Variants in INVS observed in about 807,000 individuals in gnomAD.
INVS encodes inversion of embryo turning homolog.
INVS carries 86 observed loss-of-function variants against 108.8 expected under a neutral mutation model. That is an observed-to-expected ratio of 0.79 (90% CI 0.66 to 0.95). The LOEUF (loss-of-function observed/expected upper bound fraction) is 0.95. Ranked by LOEUF, INVS falls within the 40% of genes least tolerant of loss-of-function variation. The probability of loss-of-function intolerance (pLI) is 0.00; values close to 1 mark genes in which losing one functional copy is unlikely to be tolerated. For missense variants in INVS, 1,169 were observed against 1,297.4 expected (o/e 0.90, Z 1.52); for synonymous variants, 455 against 473.5 (o/e 0.96, Z 0.51).
intron 5 of INVS, among the ~76,000 whole-genome samples, chr9:100,237,863 T>A (rs1405442049): frequency 6.6e-6 from 1 of 151,492 alleles, no homozygotes; most frequent in Non-Finnish European, 1.5e-5. Flanking sequence ...GTCAACTCTC[T>A]CTGGTTTTTT....
intron 3 of INVS, among the ~76,000 whole-genome samples, chr9:100,206,751 C>T (rs1830687970): frequency 6.6e-6 from 1 of 151,814 alleles, no homozygotes; most frequent in African/African-American, 2.4e-5. Flanking sequence ...AAAAAAAAAT[C>T]CAGGATCAGG....
intron 5 of INVS, among the ~76,000 whole-genome samples, chr9:100,233,892 G>T (rs1026129836): frequency 1.8e-4 from 27 of 152,318 alleles, no homozygotes; most frequent in African/African-American, 5.5e-4. Flanking sequence ...CATAAAATGA[G>T]TTAGGGAGGA....
chr9:100,100,898 T>C (rs1461563690), intron 1 of INVS, among the ~76,000 whole-genome samples: 1 of 46,488 alleles, frequency 2.2e-5, no homozygotes, highest in Admixed American at 3.6e-4. Context: ...ATATATATTA[T>C]ATATGTATAT....
At chr9:100,161,264 T>C (rs1305883222) in intron 3 of INVS, among the ~76,000 whole-genome samples, 4 of 146,996 alleles carry the variant, frequency 2.7e-5, no homozygotes, top group Admixed American at 7.2e-5. Context: ...TAATCCCAGC[T>C]ATTCGGGAGA....
intron 3 of INVS, among the ~76,000 whole-genome samples, chr9:100,166,107 G>C (rs931560128): frequency 1.1e-4 from 16 of 152,144 alleles, no homozygotes; most frequent in South Asian, 4.1e-4. Context: ...AGTCAAGAAT[G>C]ATAGAATATC....
At chr9:100,202,092 G>GTTT (rs35296886) in intron 3 of INVS, among the ~76,000 whole-genome samples, 37 of 147,852 alleles carry the variant, frequency 2.5e-4, no homozygotes, top group African/African-American at 5.5e-4. Flanking sequence ...TATTACAATA[G>GTTT]TTTTTTTTTT....
intron 2 of INVS, chr9:100,121,036 CAAAT>C (rs1827712680): frequency 6.6e-6 from 1 of 152,170 alleles, no homozygotes; most frequent in South Asian, 2.1e-4. Flanking sequence ...TAAACTCCAA[CAAAT>C]AGTGATGAAC....
intron 3 of INVS, among the ~76,000 whole-genome samples, chr9:100,153,299 C>T (rs1011243876): frequency 6.7e-6 from 1 of 148,382 alleles, no homozygotes; most frequent in African/African-American, 2.5e-5. Context: ...ACAATATTTG[C>T]AAATTATATC....
At chr9:100,137,134 A>G (rs1017257611) in intron 3 of INVS, among the ~76,000 whole-genome samples, 2 of 152,238 alleles carry the variant, frequency 1.3e-5, no homozygotes, top group East Asian at 1.9e-4. Context: ...GTATCTGAAT[A>G]TTCTTGACAA....
chr9:100,198,482 G>T (rs1225511023), intron 3 of INVS, among the ~76,000 whole-genome samples: 2 of 150,712 alleles, frequency 1.3e-5, no homozygotes, highest in African/African-American at 2.4e-5. Flanking sequence ...ATAGAGACGG[G>T]GTTTCTCCAT....
chr9:100,227,422 C>T lies in INVS; in HGVS notation c.447+1187C>T, dbSNP rs541159370. Among the ~76,000 whole-genome samples the T allele has an allele frequency of 1.4e-4, 21 of 152,198 alleles. 1 individual carries two copies. Among genetic ancestry groups the T allele is most frequent in the South Asian group, 6.2e-4 (3 of 4,830 alleles). ...ATTGGATTGCTGACAATGCTACTCA[C>T]GAGGGCTAATATATATTTAAACAGT... On this transcript the variant is annotated intron_variant, in intron 4 of 16. Transcript: ENST00000262457.
At chr9:100,274,861 G>C (rs1002943017) in intron 12 of INVS, among the ~76,000 whole-genome samples, 10 of 152,240 alleles carry the variant, frequency 6.6e-5, no homozygotes, top group African/African-American at 2.2e-4. Context: ...TCTAAATCTT[G>C]AGTCCTTCTA....
chr9:100,144,167 T>C (rs11515540), intron 3 of INVS, among the ~76,000 whole-genome samples: 31,974 of 151,912 alleles, frequency 0.21, 5,734 homozygotes, highest in African/African-American at 0.49. Context: ...GCAAGCTTCT[T>C]GGGGAGGAGG....
intron 13 of INVS, among the ~76,000 whole-genome samples, chr9:100,289,109 T>C (rs1011763472): frequency 4.6e-5 from 7 of 152,254 alleles, no homozygotes; most frequent in Admixed American, 3.3e-4. Context: ...TACTTTGTCA[T>C]ATGTAGCTTA....
intron 16 of INVS, 103 bp downstream of exon 16, chr9:100,298,113 G>C (rs1833845196): frequency 1.9e-6 from 3 of 1,585,898 alleles, no homozygotes; most frequent in African/African-American, 2.7e-5. Flanking sequence ...ATATGGCCAG[G>C]GTTTTCCAAT....
intron 3 of INVS, among the ~76,000 whole-genome samples, chr9:100,202,500 A>T (rs78324534): frequency 7.9e-4 from 120 of 152,308 alleles, no homozygotes; most frequent in Non-Finnish European, 1.4e-3. Context: ...GTTTCCTGTT[A>T]TACAAATTTC....
intron 3 of INVS, among the ~76,000 whole-genome samples, chr9:100,221,603 A>G (rs1831153125): frequency 1.5e-5 from 2 of 131,036 alleles, no homozygotes; most frequent in Admixed American, 7.1e-5. Flanking sequence ...TCCCCAAGGT[A>G]CCTGCTAAAT....
intron 2 of INVS, chr9:100,120,985 C>T (rs918220219): frequency 2.6e-5 from 4 of 152,090 alleles, no homozygotes; most frequent in African/African-American, 9.7e-5. Context: ...CTACAAGGTA[C>T]CCTGGAAAGA....
At chr9:100,252,532 T>A in intron 9 of INVS, 94 bp downstream of exon 9, 1 of 1,179,736 alleles carries the variant, frequency 8.5e-7, no homozygotes, top group Non-Finnish European at 1.2e-6. Context: ...AGCAGAAAGC[T>A]GCACAAGTAC....
Sources: gnomAD v4.1 joint callset for allele counts (sites outside exome capture counted in the v4.1 genomes callset) on GRCh38, gnomAD v4.1.1 for gene constraint, MANE v1.5 for transcripts, NCBI Gene and HGNC (gene_info 2026-07-23, HGNC 2026-07-21) for gene names.